The following VWA1 variants were observed in gnomAD, a reference collection of about 807,000 sequenced individuals.
The protein encoded by VWA1 is von Willebrand factor A domain containing 1.
In VWA1, 12 loss-of-function variants were observed where a neutral mutation model predicts 14.9. The observed-to-expected ratio is 0.80, with a 90% CI of 0.52 to 1.30. VWA1 has a LOEUF of 1.30. VWA1 is among the 50% of genes most tolerant of loss of function. The pLI is 0.00. For synonymous variants in VWA1, 368 were observed against 310.7 expected (o/e 1.18, Z -1.94); for missense variants, 800 against 649.1 (o/e 1.23, Z -2.53).
Position 1,439,913 on chromosome 1 carries a change from C to A in VWA1, c.*126C>A. On this transcript the variant is annotated 3_prime_UTR_variant, in exon 3 of 3. Coordinates refer to ENST00000476993, the MANE Select transcript of VWA1 (RefSeq NM_022834.5). ...CCGGCCTTTCCCCACGCGGACTCCG[C>A]GCGACCCCGGCCCTCTCCCTGCGGC... 1.0e-6 allele frequency: 1 copy of A among 1,001,532 alleles called. No individual in the cohort carries two copies. The highest frequency in any genetic ancestry group is 1.2e-6 in the Non-Finnish European group (1 of 834,490). The allele number at this position is 1,001,532 out of a possible 1,614,324, so 62.0% of individuals were successfully genotyped here.
chr1:1,435,853 G>A lies in VWA1; in HGVS notation c.73+32G>A, dbSNP rs954793063. 36 of 1,109,864 alleles carry A rather than the reference G, an allele frequency of 3.2e-5. No homozygotes were observed. The African/African-American group carries it at 5.9e-4, about 18-fold the overall frequency. 68.8% of individuals were successfully genotyped at this position (1,109,864 alleles called of 1,614,324 possible). A position where few individuals can be genotyped will look rare whatever the true frequency, so the allele number is the denominator to read the frequency against. ...GCGGCGGGCGGCCGGGCCGGGGCTG[G>A]GGCTTCTGGTGACCGCTCTGCGCCG... On this transcript the variant is annotated intron_variant, in intron 1 of 2. Transcript: ENST00000476993.
Position 1,439,449 on chromosome 1 carries a change from G to T in VWA1, c.1000G>T (p.Gly334Trp), listed in dbSNP as rs746543044. Residue 334 changes from glycine to tryptophan, a missense_variant, in exon 3 of 3, where the codon GGG becomes TGG. Physicochemically the swap from Gly to Trp is radical, Grantham distance 184. Coordinates refer to ENST00000476993, the MANE Select transcript of VWA1 (RefSeq NM_022834.5). ...LAALPAPEEA[G>W]PERIVISHAR... ...CGCCCTCCCCGCCCCAGAGGAGGCCGGGCCAGAGCGCATCGTCATCTCCCA... is the reference window on the plus strand; with the variant it reads ...CGCCCTCCCCGCCCCAGAGGAGGCCTGGCCAGAGCGCATCGTCATCTCCCA... 17 of 1,412,450 alleles carry T rather than the reference G, an allele frequency of 1.2e-5. No individual in the cohort carries two copies. Among genetic ancestry groups the T allele is most frequent in the Non-Finnish European group, 1.6e-5 (17 of 1,094,370 alleles). 87.5% of individuals were successfully genotyped at this position (1,412,450 alleles called of 1,614,324 possible).
intron 2 of VWA1, among the ~76,000 whole-genome samples, chr1:1,438,614 G>T (rs1638593368): frequency 6.6e-6 from 1 of 152,156 alleles, no homozygotes; most frequent in Non-Finnish European, 1.5e-5. Context: ...CCCAGGGCAG[G>T]CAGCGCCTCC....
chr1:1,439,189 T>TGGTGCCC lies in VWA1; in HGVS notation c.741_747dup (p.Ser250GlyfsTer39). On this transcript the variant is annotated frameshift_variant, in exon 3 of 3. Coordinates refer to ENST00000476993, the MANE Select transcript of VWA1 (RefSeq NM_022834.5). LOFTEE classifies it low-confidence loss of function (END_TRUNC). ...GACTCGGGCTACTATGTGCTGGAGC[T>TGGTGCCC]GGTGCCCAGCGCCCAGCCGGGGGCT... 6.2e-7 allele frequency: 1 copy of TGGTGCCC among 1,606,180 alleles called. No individual in the cohort carries two copies. The highest frequency in any genetic ancestry group is 8.5e-7 in the Non-Finnish European group (1 of 1,179,390).
intron 1 of VWA1, 145 bp from the exon 2 acceptor site, chr1:1,436,782 A>G: frequency 1.3e-6 from 1 of 780,894 alleles, no homozygotes; most frequent in African/African-American, 1.8e-5. Flanking sequence ...CCTCTTGCTT[A>G]GAGTTCCTCT....
In VWA1 at chr1:1,439,185, G is replaced by C; in HGVS notation, c.736G>C (p.Glu246Gln). The change falls in exon 3 of 3, where the codon GAG (glutamate) becomes CAG (glutamine). Residue 246 changes from glutamate to glutamine, a missense_variant. Physicochemically the swap from Glu to Gln is conservative, Grantham distance 29. Coordinates refer to ENST00000476993, the MANE Select transcript of VWA1 (RefSeq NM_022834.5). ...CGCAGACTCGGGCTACTATGTGCTG[G>C]AGCTGGTGCCCAGCGCCCAGCCGGG... ...LTADSGYYVL[E>Q]LVPSAQPGAA... is the part of the protein sequence containing the mutation. The C allele has an allele frequency of 2.5e-6, 4 of 1,605,942 alleles. No homozygotes were observed. The highest frequency in any genetic ancestry group is 3.4e-6 in the Non-Finnish European group (4 of 1,179,408).
At position 1,439,093 on chromosome 1, in the gene VWA1, C is replaced by T. The variant is rs756326958; in HGVS notation, c.644C>T (p.Pro215Leu). ...LRGSILDAMR[P>L]QQLHATEITS... ...GCACCACCCACAGACGCGATGCGGC[C>T]GCAGCAGCTCCATGCCACGGAGATC... The change falls in exon 3 of 3, where the codon CCG becomes CTG. Residue 215 changes from proline to leucine, a missense_variant. By Grantham distance (98) the Pro-to-Leu change is moderately conservative. Coordinates refer to ENST00000476993, the MANE Select transcript of VWA1 (RefSeq NM_022834.5). 1.9e-6 allele frequency: 3 copies of T among 1,598,462 alleles called. No individual in the cohort carries two copies. Among genetic ancestry groups the T allele is most frequent in the Admixed American group, 1.7e-5 (1 of 59,880 alleles).
Position 1,437,421 on chromosome 1 carries a change from C to G in VWA1, c.568C>G (p.Leu190Val), listed in dbSNP as rs1038262629. 2.5e-6 allele frequency: 4 copies of G among 1,612,668 alleles called. No homozygotes were observed. The African/African-American group carries it at 5.3e-5, about 22-fold the overall frequency. The change falls in exon 2 of 3, where the codon CTG becomes GTG. Residue 190 changes from leucine (L) to valine (V), a missense_variant. By Grantham distance (32) the Leu-to-Val change is conservative (BLOSUM62 1). Transcript: ENST00000476993. ...AAASAPAEKH[L>V]HFVDVDDLHI... ...TGCCTCAGCCCCTGCCGAGAAGCACCTGCACTTTGTGGACGTGGATGACCT... is the reference window on the plus strand; with the variant it reads ...TGCCTCAGCCCCTGCCGAGAAGCACGTGCACTTTGTGGACGTGGATGACCT...
intron 1 of VWA1, chr1:1,436,680 G>T (rs533833835): frequency 1.3e-5 from 6 of 474,580 alleles, no homozygotes; most frequent in African/African-American, 2.0e-5. Context: ...GCTTGGAGCG[G>T]AGAGTCGCCC....
rs373505393 is a variant in VWA1 at position 1,439,134 on chromosome 1, C to T, written c.685C>T (p.Arg229Cys). The change falls in exon 3 of 3, where the codon CGC (arginine) becomes TGC (cysteine). Residue 229 changes from arginine (R) to cysteine (C), a missense_variant. Physicochemically the swap from Arg to Cys is radical, Grantham distance 180. Transcript: ENST00000476993. The part of the protein sequence containing the change: ...HATEITSSGF[R>C]LAWPPLLTAD... ...CACGGAGATCACGTCCAGCGGCTTC[C>T]GCCTGGCCTGGCCACCCCTGCTGAC... The T allele has an allele frequency of 6.9e-6, 11 of 1,601,172 alleles. No individual in the cohort carries two copies. The highest frequency in any genetic ancestry group is 2.7e-5 in the African/African-American group (2 of 74,894).
chr1:1,441,340 G>C lies in VWA1; in HGVS notation c.*1553G>C, dbSNP rs908903176. On this transcript the variant is annotated 3_prime_UTR_variant, in exon 3 of 3. Transcript: ENST00000476993. ...GTGTGGTCACCATTCATGGAGGGCC[G>C]GCTGGGGCCAGGCTCACCACGCAGA... 1 of 152,342 alleles carries C rather than the reference G, an allele frequency of 6.6e-6. No homozygotes were observed. Among genetic ancestry groups the C allele is most frequent in the East Asian group, 1.9e-4 (1 of 5,192 alleles). The allele number at this position is 152,342 out of a possible 1,614,324, so 9.4% of individuals were successfully genotyped here.
At chr1:1,437,887 C>A (rs1170850810) in intron 2 of VWA1, among the ~76,000 whole-genome samples, 1 of 152,188 alleles carries the variant, frequency 6.6e-6, no homozygotes, top group Non-Finnish European at 1.5e-5. Context: ...AGGTCAGGGA[C>A]TGCCCCCCCA....
In VWA1 at chr1:1,435,734, C is replaced by A. The variant is rs1257286415; in HGVS notation, c.-15C>A. Reference sequence around the variant, plus strand: ...AGCGAGCGAGTTGCCGAGCGCGCCCCGTCCCTCGCGCGCGATGCTCCCCTG... The same window carrying A: ...AGCGAGCGAGTTGCCGAGCGCGCCCAGTCCCTCGCGCGCGATGCTCCCCTG... On this transcript the variant is annotated 5_prime_UTR_variant, in exon 1 of 3. Transcript: ENST00000476993. 1.1e-5 allele frequency: 13 copies of A among 1,203,226 alleles called. No homozygotes were observed. The highest frequency in any genetic ancestry group is 4.4e-5 in the South Asian group (2 of 45,310). The allele number at this position is 1,203,226 out of a possible 1,614,324, so 74.5% of individuals were successfully genotyped here.
At position 1,437,584 on chromosome 1, in the gene VWA1, G is replaced by A. The variant is rs1395670136; in HGVS notation, c.631+100G>A. On this transcript the variant is annotated intron_variant, in intron 2 of 2. Transcript: ENST00000476993. ...GAAGATCTCATGTCCCCAGAGCAGCGGCCAGGGCCTCCGGGGCTGTGGTAC... is the reference window on the plus strand; with the variant it reads ...GAAGATCTCATGTCCCCAGAGCAGCAGCCAGGGCCTCCGGGGCTGTGGTAC... 7.0e-6 allele frequency: 10 copies of A among 1,433,698 alleles called. No homozygotes were observed. The East Asian group carries it at 1.4e-4, about 20-fold the overall frequency. The allele number at this position is 1,433,698 out of a possible 1,614,324, so 88.8% of individuals were successfully genotyped here.
intron 2 of VWA1, among the ~76,000 whole-genome samples, chr1:1,438,846 C>A (rs1638597040): frequency 6.6e-6 from 1 of 152,224 alleles, no homozygotes; most frequent in African/African-American, 2.4e-5. Context: ...GAGGCAGGGG[C>A]GCTTCTGACA....
rs1487477334 is a variant in VWA1 at position 1,439,150 on chromosome 1, C to A, written c.701C>A (p.Pro234His). The A allele has an allele frequency of 1.2e-6, 2 of 1,602,858 alleles. No homozygotes were observed. The highest frequency in any genetic ancestry group is 4.5e-5 in the East Asian group (2 of 44,818). The change falls in exon 3 of 3, where the codon CCC becomes CAC. Residue 234 changes from proline to histidine, a missense_variant. By Grantham distance (77) the Pro-to-His change is moderately conservative. Coordinates refer to ENST00000476993, the MANE Select transcript of VWA1 (RefSeq NM_022834.5). ...TSSGFRLAWP[P>H]LLTADSGYYV... is the part of the protein sequence containing the mutation. ...AGCGGCTTCCGCCTGGCCTGGCCACCCCTGCTGACCGCAGACTCGGGCTAC... is the reference window on the plus strand; with the variant it reads ...AGCGGCTTCCGCCTGGCCTGGCCACACCTGCTGACCGCAGACTCGGGCTAC...
In VWA1 at chr1:1,435,795, C is replaced by T. The variant is rs1317959685; in HGVS notation, c.47C>T (p.Ala16Val). The T allele has an allele frequency of 8.3e-7, 1 of 1,205,460 alleles. No individual in the cohort carries two copies. Among genetic ancestry groups the T allele is most frequent in the Non-Finnish European group, 1.0e-6 (1 of 967,620 alleles). 74.7% of individuals were successfully genotyped at this position (1,205,460 alleles called of 1,614,324 possible). ...GGCCTGGCCCTGAGCTTGCGGCTGG[C>T]GCTGGCGCGGAGCGGCGCGGAGCGC... ...ALGLALSLRL[A>V]LARSGAERGP... The change falls in exon 1 of 3, where the codon GCG (alanine) becomes GTG (valine). Residue 16 changes from alanine to valine, a missense_variant. By Grantham distance (64) the Ala-to-Val change is moderately conservative. Transcript: ENST00000476993.
rs758109057 is a variant in VWA1, at chr1:1,439,433, C to T, written c.984C>T (p.Pro328=). 1.4e-6 allele frequency: 2 copies of T among 1,408,082 alleles called. No homozygotes were observed. Among genetic ancestry groups the T allele is most frequent in the African/African-American group, 1.5e-5 (1 of 65,132 alleles). The allele number at this position is 1,408,082 out of a possible 1,614,324, so 87.2% of individuals were successfully genotyped here. A position where few individuals can be genotyped will look rare whatever the true frequency, so the allele number is the denominator to read the frequency against. Residue 328 remains proline (P), a synonymous_variant, in exon 3 of 3, where the codon CCC becomes CCT. Coordinates refer to ENST00000476993, the MANE Select transcript of VWA1 (RefSeq NM_022834.5). ...CCCCCACGCAGCTCGCCGCCCTCCC[C>T]GCCCCAGAGGAGGCCGGGCCAGAGC... ...GPAPTQLAAL[P]APEEAGPERI...
intron 1 of VWA1, 137 bp from the exon 2 acceptor site, chr1:1,436,790 T>G: frequency 1.1e-6 from 1 of 876,614 alleles, no homozygotes; most frequent in Non-Finnish European, 1.7e-6. Context: ...TTAGAGTTCC[T>G]CTTTCCCCCA....
Sources: gnomAD v4.1 joint callset for allele counts (sites outside exome capture counted in the v4.1 genomes callset) on GRCh38, gnomAD v4.1.1 for gene constraint, MANE v1.5 for transcripts, NCBI Gene and HGNC (gene_info 2026-07-23, HGNC 2026-07-21) for gene names.